Variants in ROBO2 observed in about 807,000 individuals in gnomAD.
ROBO2 encodes the protein roundabout guidance receptor 2.
Under a neutral mutation model 160.8 loss-of-function variants are expected in ROBO2, and 53 were observed. The ratio of observed to expected loss-of-function variants is 0.33; its 90% CI spans 0.26 to 0.41. The LOEUF is 0.41. Ranked by LOEUF, ROBO2 falls within the 10% of genes least tolerant of loss-of-function variation. The probability of loss-of-function intolerance (pLI) is 1.00; values close to 1 mark genes in which losing one functional copy is unlikely to be tolerated. For missense variants in ROBO2, 1,577 were observed against 1,722.4 expected, an observed-to-expected ratio of 0.92 and a Z score of 1.49; for synonymous variants, 664 against 611.7, an observed-to-expected ratio of 1.09 and a Z score of -1.26.
At chr3:76,393,621 TGAG>T (rs1400707133) in intron 2 of ROBO2, among the ~76,000 whole-genome samples, 1 of 152,054 alleles carries the variant, frequency 6.6e-6, no homozygotes, top group Non-Finnish European at 1.5e-5. Flanking sequence ...CTGTAGATAA[TGAG>T]GAAGGAAGGG....
intron 2 of ROBO2, among the ~76,000 whole-genome samples, chr3:76,676,056 G>C (rs1173726997): frequency 1.3e-5 from 2 of 151,934 alleles, no homozygotes; most frequent in Non-Finnish European, 2.9e-5. Context: ...TTTTTAAAAG[G>C]GAAATTTAGA....
chr3:76,006,842 T>C (rs1444614671), intron 2 of ROBO2, among the ~76,000 whole-genome samples: 1 of 152,022 alleles, frequency 6.6e-6, no homozygotes, highest in Non-Finnish European at 1.5e-5. Flanking sequence ...CAAACTATAT[T>C]GGAAATTAAA....
At chr3:76,792,761 A>G (rs2063449332) in intron 2 of ROBO2, among the ~76,000 whole-genome samples, 1 of 151,858 alleles carries the variant, frequency 6.6e-6, no homozygotes, top group Admixed American at 6.6e-5. Context: ...TCTGGTAAGA[A>G]GTAAGTTTGT....
At chr3:77,483,269 C>CAA (rs113717883) in intron 4 of ROBO2, among the ~76,000 whole-genome samples, 43 of 150,936 alleles carry the variant, frequency 2.8e-4, no homozygotes, top group African/African-American at 9.2e-4. Context: ...AAAAGAAAAA[C>CAA]AAAAAAAACA....
intron 2 of ROBO2, among the ~76,000 whole-genome samples, chr3:76,596,387 C>T (rs760346189): frequency 2.0e-5 from 3 of 151,982 alleles, no homozygotes; most frequent in Admixed American, 1.3e-4. Flanking sequence ...TGAAGAGTAG[C>T]GCATGTAGAA....
chr3:77,461,233 TAACTA>T (rs1368310212), intron 2 of ROBO2, among the ~76,000 whole-genome samples: 1 of 152,134 alleles, frequency 6.6e-6, no homozygotes, highest in Non-Finnish European at 1.5e-5. Flanking sequence ...GTTCTAAAAA[TAACTA>T]AATGATAATA....
Position 76,980,571 on chromosome 3 carries a change from C to T in ROBO2, c.110-117443C>T, listed in dbSNP as rs148837823. Among the ~76,000 whole-genome samples, 1,455 of 152,126 alleles carry T rather than the reference C, an allele frequency of 9.6e-3. 29 individuals carry two copies. The highest frequency in any genetic ancestry group is 0.033 in the African/African-American group (1,354 of 41,490). On this transcript the variant is annotated intron_variant, in intron 2 of 26. Coordinates refer to the ROBO2 transcript ENST00000487694. ...TTTTAATACAAGTAAAATAAAATAT[C>T]TTTTCTCTTAATATATTGACAACTT...
chr3:77,414,245 C>T (rs2077030624), intron 2 of ROBO2, among the ~76,000 whole-genome samples: 1 of 152,148 alleles, frequency 6.6e-6, no homozygotes, highest in South Asian at 2.1e-4. Flanking sequence ...CAAGAACTGA[C>T]CGTTGGAAAC....
chr3:76,794,966 T>C (rs1030850140), intron 2 of ROBO2, among the ~76,000 whole-genome samples: 1 of 152,008 alleles, frequency 6.6e-6, no homozygotes, highest in African/African-American at 2.4e-5. Context: ...CACATTCAGG[T>C]CCAGACCACC....
intron 7 of ROBO2, among the ~76,000 whole-genome samples, chr3:77,547,760 G>A (rs1427848519): frequency 2.0e-5 from 3 of 152,068 alleles, no homozygotes; most frequent in African/African-American, 7.2e-5. Flanking sequence ...AAGGAAAGGT[G>A]ATGGCCACTG....
chr3:76,853,009 G>A (rs1192043524), intron 2 of ROBO2, among the ~76,000 whole-genome samples: 1 of 151,984 alleles, frequency 6.6e-6, no homozygotes, highest in African/African-American at 2.4e-5. Flanking sequence ...TCTTTTAGAG[G>A]ACACAGTTTA....
chr3:76,919,050 C>A (rs534913358), intron 2 of ROBO2, among the ~76,000 whole-genome samples: 55 of 151,014 alleles, frequency 3.6e-4, no homozygotes, highest in African/African-American at 1.3e-3. Context: ...TGCTTGAGTT[C>A]TTTGTAAATT....
intron 2 of ROBO2, among the ~76,000 whole-genome samples, chr3:76,823,977 G>A (rs903181562): frequency 1.3e-5 from 2 of 152,158 alleles, no homozygotes; most frequent in Admixed American, 6.5e-5. Flanking sequence ...TTGTAAAACA[G>A]GTCGGAGGTG....
At chr3:77,044,366 C>T (rs776741156) in intron 1 of ROBO2, among the ~76,000 whole-genome samples, 5 of 152,062 alleles carry the variant, frequency 3.3e-5, no homozygotes, top group African/African-American at 9.7e-5. Flanking sequence ...GAAATAGTTC[C>T]GGCAGTCTAC....
chr3:75,918,231 C>T (rs1299316667), intron 1 of ROBO2, among the ~76,000 whole-genome samples: 1 of 152,114 alleles, frequency 6.6e-6, no homozygotes, highest in Non-Finnish European at 1.5e-5. Context: ...CGAAGGGGTC[C>T]AGTTTCTCTT....
chr3:76,023,047 G>A lies in ROBO2; in HGVS notation c.109+85445G>A, dbSNP rs191795393. On this transcript the variant is annotated intron_variant, in intron 2 of 26. Coordinates refer to the ROBO2 transcript ENST00000487694. ...TCACCTTGCACTTTTTTTTATTTTG[G>A]AGATGGCTTCTTTCCTTAAAAATTA... Among the ~76,000 whole-genome samples the A allele has an allele frequency of 1.9e-4, 29 of 151,660 alleles. 1 individual carries two copies. Among genetic ancestry groups the A allele is most frequent in the African/African-American group, 6.8e-4 (28 of 41,444 alleles).
At chr3:75,935,460 C>T (rs1947729132) in intron 1 of ROBO2, among the ~76,000 whole-genome samples, 1 of 151,972 alleles carries the variant, frequency 6.6e-6, no homozygotes, top group South Asian at 2.1e-4. Flanking sequence ...CTGCAGTGAG[C>T]TATGATCACA....
intron 2 of ROBO2, among the ~76,000 whole-genome samples, chr3:76,820,322 C>T (rs1291326797): frequency 6.6e-6 from 1 of 151,862 alleles, no homozygotes; most frequent in African/African-American, 2.4e-5. Flanking sequence ...ACATTAGTTT[C>T]AATAGGAAAT....
intron 2 of ROBO2, among the ~76,000 whole-genome samples, chr3:76,276,164 TA>T (rs1304554941): frequency 1.3e-5 from 2 of 152,048 alleles, no homozygotes; most frequent in African/African-American, 4.8e-5. Flanking sequence ...ATGTATATTT[TA>T]ATCACTCATA....
Sources: allele counts gnomAD v4.1 joint callset (sites outside exome capture counted in the v4.1 genomes callset), GRCh38; gene constraint gnomAD v4.1.1; transcripts MANE v1.5; gene names NCBI Gene and HGNC (gene_info 2026-07-23, HGNC 2026-07-21).